Variants in AUTS2 observed in about 807,000 individuals in gnomAD.
The protein encoded by AUTS2 is activator of transcription and developmental regulator AUTS2.
In AUTS2, 17 loss-of-function variants were observed where a neutral mutation model predicts 112.4. That is an observed-to-expected ratio of 0.15 (90% CI 0.10 to 0.23). The LOEUF is 0.23. Among genes scored for constraint, AUTS2 ranks in the 10% least tolerant of loss-of-function variants. The pLI is 1.00. For missense variants in AUTS2, 1,510 were observed against 1,701.6 expected, an observed-to-expected ratio of 0.89 and a Z score of 1.98; for synonymous variants, 751 against 702.7, an observed-to-expected ratio of 1.07 and a Z score of -1.09.
intron 5 of AUTS2, among the ~76,000 whole-genome samples, chr7:70,696,237 T>C (rs1809091359): frequency 6.6e-6 from 1 of 152,096 alleles, no homozygotes; most frequent in Non-Finnish European, 1.5e-5. Context: ...GCAAAGAATC[T>C]CTCTTCTGAC....
intron 14 of AUTS2, among the ~76,000 whole-genome samples, chr7:70,779,564 G>C (rs1201508435): frequency 6.6e-5 from 10 of 152,230 alleles, no homozygotes; most frequent in African/African-American, 2.4e-4. Context: ...AGCAGTAAGA[G>C]AACAGCAGAC....
chr7:70,580,307 T>C (rs1802374625), intron 5 of AUTS2, among the ~76,000 whole-genome samples: 1 of 152,158 alleles, frequency 6.6e-6, no homozygotes, highest in Non-Finnish European at 1.5e-5. Flanking sequence ...TGAATGGGAA[T>C]GGGGTAGGTG....
At position 70,790,094 on chromosome 7, in the gene AUTS2, C is replaced by T. The variant is rs369710317; in HGVS notation, c.2878C>T (p.Arg960Trp). ...ESARPNSTSS[R>W]EAEPRKGEPA... The stretch of plus-strand genomic sequence containing the variant: ...TGCCAGGCCCAACAGCACCTCGAGC[C>T]GGGAGGCCGAGCCGCGCAAGGGTGA... Residue 960 changes from arginine (R) to tryptophan (W), a missense_variant, in exon 19 of 19, where the codon CGG becomes TGG. Physicochemically the swap from Arg to Trp is moderately radical, Grantham distance 101 (BLOSUM62 -3). Transcript: ENST00000342771. The surrounding 1 kb of genome is among the most constrained non-coding windows in gnomAD (Gnocchi z 7.6). 3.8e-6 allele frequency: 6 copies of T among 1,582,278 alleles called. No individual in the cohort carries two copies. The African/African-American group carries it at 5.4e-5, about 14-fold the overall frequency.
intron 5 of AUTS2, among the ~76,000 whole-genome samples, chr7:70,476,180 C>G (rs1797574651): frequency 1.3e-5 from 2 of 152,128 alleles, no homozygotes; most frequent in South Asian, 2.1e-4. Flanking sequence ...CATAACAACT[C>G]TACAAAGTAG....
At chr7:70,276,880 G>A (rs1787953916) in intron 4 of AUTS2, among the ~76,000 whole-genome samples, 1 of 152,110 alleles carries the variant, frequency 6.6e-6, no homozygotes, top group African/African-American at 2.4e-5. Flanking sequence ...GAGTTTATCA[G>A]ACTGAGGAGT....
chr7:70,384,534 A>G (rs1418834036), intron 4 of AUTS2, among the ~76,000 whole-genome samples: 1 of 152,204 alleles, frequency 6.6e-6, no homozygotes, highest in African/African-American at 2.4e-5. Flanking sequence ...CATGCTGCAC[A>G]AAGATGACTG....
chr7:70,773,942 C>G (rs747165028), intron 11 of AUTS2, 86 bp from the exon 12 acceptor site: 5 of 1,263,512 alleles, frequency 4.0e-6, no homozygotes, highest in Non-Finnish European at 5.7e-6. Flanking sequence ...AGTTTGGCTT[C>G]TCTCATTTAG....
At chr7:70,242,991 A>G (rs1812704521) in intron 4 of AUTS2, among the ~76,000 whole-genome samples, 1 of 152,120 alleles carries the variant, frequency 6.6e-6, no homozygotes, top group South Asian at 2.1e-4. Flanking sequence ...CACATTCAGC[A>G]TTACTATTCT....
chr7:70,419,379 CT>C (rs1795118732), intron 4 of AUTS2, among the ~76,000 whole-genome samples: 1 of 133,644 alleles, frequency 7.5e-6, no homozygotes, highest in African/African-American at 2.9e-5. Context: ...TGCTTCATGT[CT>C]TTAAGACTCC....
At chr7:69,687,763 C>G (rs1029704486) in intron 1 of AUTS2, among the ~76,000 whole-genome samples, 6 of 152,104 alleles carry the variant, frequency 3.9e-5, no homozygotes, top group Middle Eastern at 3.4e-3. Flanking sequence ...TTTTAAATAC[C>G]CTTTTATTTA....
At chr7:70,771,463 C>T (rs1790333742) in intron 10 of AUTS2, 86 bp from the exon 11 acceptor site, 7 of 1,140,566 alleles carry the variant, frequency 6.1e-6, no homozygotes, top group African/African-American at 6.1e-5. Flanking sequence ...TTGCTCATGT[C>T]GATGTCTTTC....
chr7:70,571,684 G>A (rs1801947250), intron 5 of AUTS2, among the ~76,000 whole-genome samples: 1 of 152,228 alleles, frequency 6.6e-6, no homozygotes, highest in South Asian at 2.1e-4. Context: ...CTGGAGCTGG[G>A]AAACTTTCGC....
At chr7:69,923,932 C>T (rs1314641897) in intron 2 of AUTS2, among the ~76,000 whole-genome samples, 1 of 152,116 alleles carries the variant, frequency 6.6e-6, no homozygotes, top group Non-Finnish European at 1.5e-5. Context: ...TGGGTATCTT[C>T]TCTGTCTTTT....
chr7:69,975,006 ATTCTTTTAGG>A (rs1490698005), intron 2 of AUTS2, among the ~76,000 whole-genome samples: 2 of 151,596 alleles, frequency 1.3e-5, no homozygotes, highest in Non-Finnish European at 2.9e-5. Flanking sequence ...TCCTTTAGCC[ATTCTTTTAGG>A]GTAGTTCTCC....
chr7:70,766,953 C>G lies in AUTS2; in HGVS notation c.1689+619C>G, dbSNP rs1018442019. 9.2e-5 allele frequency among the ~76,000 whole-genome samples: 14 copies of G among 152,332 alleles called. No homozygotes were observed. Among genetic ancestry groups the G allele is most frequent in the African/African-American group, 3.4e-4 (14 of 41,572 alleles). ...CGCTCTGCCTTGGGGCAAGAGGAAC[C>G]ACTGGCCATGACATGGTCTTGCTTT... On this transcript the variant is annotated intron_variant, in intron 9 of 18. Coordinates refer to ENST00000342771, the MANE Select transcript of AUTS2 (RefSeq NM_015570.4). The surrounding 1 kb of genome is among the most constrained non-coding windows in gnomAD (Gnocchi z 4.8).
At chr7:70,093,817 A>C (rs1171391081) in intron 2 of AUTS2, among the ~76,000 whole-genome samples, 1 of 152,238 alleles carries the variant, frequency 6.6e-6, no homozygotes, top group Non-Finnish European at 1.5e-5. Context: ...TGTGTGAAGG[A>C]TCTAAACCCA....
chr7:70,498,894 G>A (rs1798663219), intron 5 of AUTS2, among the ~76,000 whole-genome samples: 1 of 152,152 alleles, frequency 6.6e-6, no homozygotes, highest in East Asian at 1.9e-4. Flanking sequence ...CGCCCTGTCA[G>A]GACTGAGCAC....
At chr7:70,264,853 A>C (rs1035527606) in intron 4 of AUTS2, among the ~76,000 whole-genome samples, 1 of 152,134 alleles carries the variant, frequency 6.6e-6, no homozygotes, top group Non-Finnish European at 1.5e-5. Flanking sequence ...AGAACAGCAA[A>C]ATTTTTAGAA....
At chr7:70,701,258 G>T (rs532692615) in intron 6 of AUTS2, among the ~76,000 whole-genome samples, 1 of 152,210 alleles carries the variant, frequency 6.6e-6, no homozygotes, top group Non-Finnish European at 1.5e-5. Context: ...GGGTTGGGGG[G>T]GCGCAGCCCT....
Sources: allele counts gnomAD v4.1 joint callset (sites outside exome capture counted in the v4.1 genomes callset), GRCh38; gene constraint gnomAD v4.1.1; non-coding constraint Gnocchi (gnomAD v3.1); transcripts MANE v1.5; gene names NCBI Gene and HGNC (gene_info 2026-07-23, HGNC 2026-07-21).